PSMD3: variants seen among roughly 807,000 people sequenced by gnomAD.
PSMD3 encodes the protein 26S proteasome non-ATPase regulatory subunit 3.
Under a neutral mutation model 62.8 loss-of-function variants are expected in PSMD3, and 5 were observed. That is an observed-to-expected ratio of 0.08 (90% CI 0.04 to 0.17). The LOEUF (loss-of-function observed/expected upper bound fraction) is 0.17, where lower values mean the gene tolerates loss of function less well. PSMD3 is among the 10% of genes least tolerant of loss of function. The pLI is 1.00. For missense variants in PSMD3, 524 were observed against 713.6 expected (o/e 0.73, Z 3.03); for synonymous variants, 265 against 283.9 (o/e 0.93, Z 0.67).
chr17:39,995,756 G>T lies in PSMD3; in HGVS notation c.1320+229G>T. The T allele has an allele frequency of 1.8e-6, 1 of 567,056 alleles. No individual in the cohort carries two copies. The allele number at this position is 567,056 out of a possible 1,614,324, so 35.1% of individuals were successfully genotyped here. On this transcript the variant is annotated intron_variant, in intron 9 of 11. Coordinates refer to ENST00000264639, the MANE Select transcript of PSMD3 (RefSeq NM_002809.4). This position sits in a 1 kb window ranked among gnomAD's most constrained non-coding sequence, Gnocchi z 4.1. ...GTGCACATGTTGAGTTTATGATAGT[G>T]CCTGTGAGTGTGAGAATATAAGGAG...
rs932574627 is a variant in PSMD3 at position 39,996,438 on chromosome 17, C to G, written c.1476+100C>G. ...GAAGACTGGCTTAATTTGTGGCCCACGTCCCAGCCAATCTCTGTAAAATCA... is the reference window on the plus strand; with the variant it reads ...GAAGACTGGCTTAATTTGTGGCCCAGGTCCCAGCCAATCTCTGTAAAATCA... On this transcript the variant is annotated intron_variant, in intron 10 of 11. Coordinates refer to ENST00000264639, the MANE Select transcript of PSMD3 (RefSeq NM_002809.4). This position sits in a 1 kb window ranked among gnomAD's most constrained non-coding sequence, Gnocchi z 5.1. The G allele has an allele frequency of 6.9e-6, 10 of 1,442,988 alleles. No homozygotes were observed. The highest frequency in any genetic ancestry group is 9.5e-6 in the Non-Finnish European group (10 of 1,056,964). The allele number at this position is 1,442,988 out of a possible 1,614,324, so 89.4% of individuals were successfully genotyped here.
chr17:39,990,925 TAGGCACTGTA>T (rs1365955305), intron 6 of PSMD3, among the ~76,000 whole-genome samples: 1 of 152,192 alleles, frequency 6.6e-6, no homozygotes, highest in East Asian at 1.9e-4. Flanking sequence ...ACCTTGGTAT[TAGGCACTGTA>T]AGGGATAGGA....
Position 39,982,661 on chromosome 17 carries a change from G to A in PSMD3, c.220+1471G>A, listed in dbSNP as rs1029306534. Among the ~76,000 whole-genome samples the A allele has an allele frequency of 6.6e-5, 10 of 152,252 alleles. No homozygotes were observed. The East Asian group carries it at 1.2e-3, about 18-fold the overall frequency. ...ATTGGGTTGTTGTGAACATTAAAAT[G>A]CTTAAAACTGTGCCTAGCACATAAA... On this transcript the variant is annotated intron_variant, in intron 1 of 11. Transcript: ENST00000264639.
intron 6 of PSMD3, chr17:39,993,734 C>T (rs1980714903): frequency 1.3e-5 from 2 of 152,310 alleles, no homozygotes; most frequent in Admixed American, 6.5e-5. Context: ...AGAGCTCCAG[C>T]TCTGTCCTTC....
chr17:39,987,743 A>C (rs1217485491), intron 3 of PSMD3, among the ~76,000 whole-genome samples: 1 of 150,954 alleles, frequency 6.6e-6, no homozygotes, highest in African/African-American at 2.5e-5. Context: ...TCAGCCTCTC[A>C]TGTAGCTGGG....
intron 10 of PSMD3, among the ~76,000 whole-genome samples, chr17:39,997,081 T>G (rs1295710259): frequency 1.3e-5 from 2 of 152,204 alleles, no homozygotes; most frequent in Non-Finnish European, 2.9e-5. Flanking sequence ...CCACATCCAC[T>G]GTGTTCCTCC....
intron 6 of PSMD3, among the ~76,000 whole-genome samples, chr17:39,990,588 T>C (rs1057094948): frequency 6.6e-6 from 1 of 152,224 alleles, no homozygotes; most frequent in East Asian, 1.9e-4. Context: ...CGAGCTGCCA[T>C]GTCTGCAAAA....
At chr17:39,986,536 A>C (rs1455895569) in intron 2 of PSMD3, 39 bp from the exon 3 acceptor site, 1 of 1,609,640 alleles carries the variant, frequency 6.2e-7, no homozygotes, top group Non-Finnish European at 8.5e-7. Flanking sequence ...TTACTTGATC[A>C]GACTGAGCTT....
Position 39,996,843 on chromosome 17 carries a change from G to C in PSMD3, c.1477-487G>C, listed in dbSNP as rs1980796594. On this transcript the variant is annotated intron_variant, in intron 10 of 11. Coordinates refer to ENST00000264639, the MANE Select transcript of PSMD3 (RefSeq NM_002809.4). The surrounding 1 kb of genome is among the most constrained non-coding windows in gnomAD (Gnocchi z 5.1). ...ACTGAGTTTGGCGCTGTTACTATTT[G>C]CTTGCCATGTTTTTTTCTGGTCTCC... The C allele has an allele frequency of 2.2e-6, 1 of 449,862 alleles. No homozygotes were observed. The highest frequency in any genetic ancestry group is 2.0e-5 in the African/African-American group (1 of 49,446). The allele number at this position is 449,862 out of a possible 1,614,324, so 27.9% of individuals were successfully genotyped here.
At chr17:39,982,788 CT>C (rs1453485548) in intron 1 of PSMD3, among the ~76,000 whole-genome samples, 1 of 152,208 alleles carries the variant, frequency 6.6e-6, no homozygotes, top group African/African-American at 2.4e-5. Context: ...ATTGCATTCC[CT>C]TATTGCTTTG....
chr17:39,988,426 G>A (rs910676787), intron 3 of PSMD3, among the ~76,000 whole-genome samples: 1 of 152,154 alleles, frequency 6.6e-6, no homozygotes, highest in Admixed American at 6.5e-5. Flanking sequence ...TCCTTTTTAA[G>A]GCTGAGTAAT....
intron 2 of PSMD3, among the ~76,000 whole-genome samples, chr17:39,985,878 T>C (rs1366580610): frequency 6.6e-6 from 1 of 152,252 alleles, no homozygotes; most frequent in Non-Finnish European, 1.5e-5. Flanking sequence ...TTTTTTGGTC[T>C]CATTATTCTG....
chr17:39,995,473 C>G lies in PSMD3; in HGVS notation c.1266C>G (p.Ile422Met). The change falls in exon 9 of 12, where the codon ATC (isoleucine) becomes ATG (methionine). Residue 422 changes from isoleucine (I) to methionine (M), a missense_variant. This residue lies in a region of PSMD3 where 76 missense variants were observed against 97.3 expected (regional missense o/e 0.78). Transcript: ENST00000264639. This position sits in a 1 kb window ranked among gnomAD's most constrained non-coding sequence, Gnocchi z 4.1. ...ATTCCCGAATCTCCTTGGCTGACAT[C>G]GCCCAGAAGCTGCAGTTGGATAGCC... The part of the protein sequence containing the change: ...LSYSRISLAD[I>M]AQKLQLDSPE... 6.2e-7 allele frequency: 1 copy of G among 1,614,078 alleles called. No individual in the cohort carries two copies. Among genetic ancestry groups the G allele is most frequent in the East Asian group, 2.2e-5 (1 of 44,872 alleles).
In PSMD3 at chr17:39,996,129, A is replaced by C. The variant is rs776729514; in HGVS notation, c.1321-54A>C. The stretch of plus-strand genomic sequence containing the variant: ...GAGCGAGACTCCATCTCAAAAAAAA[A>C]AAAAAAGAAGAAGCTGGGTGTGCTG... On this transcript the variant is annotated intron_variant, in intron 9 of 11. Transcript: ENST00000264639. The surrounding 1 kb of genome is among the most constrained non-coding windows in gnomAD (Gnocchi z 5.1). 9.3e-6 allele frequency: 15 copies of C among 1,607,576 alleles called. No individual in the cohort carries two copies. Among genetic ancestry groups the C allele is most frequent in the Non-Finnish European group, 1.0e-5 (12 of 1,177,304 alleles).
chr17:39,987,886 T>C (rs767889958), intron 3 of PSMD3, among the ~76,000 whole-genome samples: 5 of 152,174 alleles, frequency 3.3e-5, no homozygotes, highest in Non-Finnish European at 7.4e-5. Context: ...GGCAGGCAGA[T>C]CATGAGGTCA....
chr17:39,995,247 G>A lies in PSMD3; in HGVS notation c.1168G>A (p.Gly390Arg), dbSNP rs1352471614. The A allele has an allele frequency of 2.5e-6, 4 of 1,614,014 alleles. No homozygotes were observed. The East Asian group carries it at 6.7e-5, about 27-fold the overall frequency. ...GTTTGGGGAGAAGTTTCAAGCAGAT[G>A]GGACCTACACCCTAATTATCCGGCT... ...DQFGEKFQADGTYTLIIRLRH... is the reference protein window; with the variant it reads ...DQFGEKFQADRTYTLIIRLRH... The change falls in exon 8 of 12, where the codon GGG (glycine) becomes AGG (arginine). Residue 390 changes from glycine (G) to arginine (R), a missense_variant. Physicochemically the swap from Gly to Arg is moderately radical, Grantham distance 125. Around this residue, in one of 4 missense-constraint regions of PSMD3, gnomAD observed 32 missense variants for 85.4 expected, o/e 0.37. Coordinates refer to ENST00000264639, the MANE Select transcript of PSMD3 (RefSeq NM_002809.4). This position sits in a 1 kb window ranked among gnomAD's most constrained non-coding sequence, Gnocchi z 4.1.
intron 1 of PSMD3, among the ~76,000 whole-genome samples, chr17:39,981,756 G>T (rs975028176): frequency 1.2e-4 from 18 of 152,036 alleles, no homozygotes; most frequent in African/African-American, 4.1e-4. Flanking sequence ...CTCCCTTCAG[G>T]TCCTTACTGC....
chr17:39,981,473 C>T (rs898862737), intron 1 of PSMD3, among the ~76,000 whole-genome samples: 3 of 152,182 alleles, frequency 2.0e-5, no homozygotes, highest in Admixed American at 2.0e-4. Context: ...CTTTTAAGTC[C>T]TCCCCTCTGA....
rs925763896 is a variant in PSMD3 at position 39,995,913 on chromosome 17, G to GT, written c.1321-267dup. The GT allele has an allele frequency of 1.2e-5, 6 of 491,592 alleles. No individual in the cohort carries two copies. The highest frequency in any genetic ancestry group is 9.7e-5 in the African/African-American group (5 of 51,356). 30.5% of individuals were successfully genotyped at this position (491,592 alleles called of 1,614,324 possible). A position where few individuals can be genotyped will look rare whatever the true frequency, so the allele number is the denominator to read the frequency against. ...ATGGGCAGATCACCTGAGGTCAGGA[G>GT]TTTGAGACAAGCCTGGCCAACTTGG... On this transcript the variant is annotated intron_variant, in intron 9 of 11. Coordinates refer to ENST00000264639, the MANE Select transcript of PSMD3 (RefSeq NM_002809.4). The surrounding 1 kb of genome is among the most constrained non-coding windows in gnomAD (Gnocchi z 4.1).
Sources: gnomAD v4.1 joint callset for allele counts (sites outside exome capture counted in the v4.1 genomes callset) on GRCh38, gnomAD v4.1.1 for gene constraint, gnomAD v4.1.1 regional missense constraint, Gnocchi (gnomAD v3.1) non-coding constraint, MANE v1.5 for transcripts, NCBI Gene and HGNC (gene_info 2026-07-23, HGNC 2026-07-21) for gene names.